NRXN3: variants seen among roughly 807,000 people sequenced by gnomAD.
NRXN3 encodes the protein neurexin 3.
Under a neutral mutation model 137.6 loss-of-function variants are expected in NRXN3, and 32 were observed. That is an observed-to-expected ratio of 0.23 (90% CI 0.18 to 0.31). The LOEUF is 0.31. Ranked by LOEUF, NRXN3 falls within the 10% of genes least tolerant of loss-of-function variation. The probability of loss-of-function intolerance (pLI) is 1.00; values close to 1 mark genes in which losing one functional copy is unlikely to be tolerated. For synonymous variants in NRXN3, 798 were observed against 784.5 expected, an observed-to-expected ratio of 1.02 and a Z score of -0.29; for missense variants, 1,574 against 2,062.5, an observed-to-expected ratio of 0.76 and a Z score of 4.59.
intron 18 of NRXN3, among the ~76,000 whole-genome samples, chr14:79,693,129 C>A (rs2154026273): frequency 6.6e-6 from 1 of 152,038 alleles, no homozygotes; most frequent in South Asian, 2.1e-4. Flanking sequence ...AGAAAATAAA[C>A]CATTGTTTTT....
chr14:79,709,563 T>C (rs1470887676), intron 19 of NRXN3, among the ~76,000 whole-genome samples: 1 of 152,196 alleles, frequency 6.6e-6, no homozygotes, highest in Admixed American at 6.5e-5. Flanking sequence ...AGGATGTGAA[T>C]GATTTTAATC....
intron 19 of NRXN3, among the ~76,000 whole-genome samples, chr14:79,733,896 G>A (rs1173192474): frequency 5.9e-5 from 9 of 152,052 alleles, no homozygotes; most frequent in Admixed American, 5.9e-4. Context: ...TTGCCTGCTT[G>A]CTCTGATAAT....
chr14:78,282,801 A>G (rs1429057073), intron 3 of NRXN3, among the ~76,000 whole-genome samples: 2 of 152,220 alleles, frequency 1.3e-5, no homozygotes, highest in East Asian at 3.9e-4. Flanking sequence ...GGAGCCACTC[A>G]GTCCAGCCTG....
At chr14:79,763,976 G>A (rs540466408) in intron 19 of NRXN3, among the ~76,000 whole-genome samples, 1 of 149,750 alleles carries the variant, frequency 6.7e-6, no homozygotes, top group South Asian at 2.1e-4. Flanking sequence ...AACTTTTATT[G>A]TGCTTTTTCT....
chr14:78,773,711 C>A (rs1020430205), intron 8 of NRXN3, among the ~76,000 whole-genome samples: 2 of 152,060 alleles, frequency 1.3e-5, no homozygotes, highest in Non-Finnish European at 2.9e-5. Context: ...TCTTCGCCAG[C>A]CTGAGAAACT....
intron 15 of NRXN3, among the ~76,000 whole-genome samples, chr14:79,022,494 A>T (rs1318163294): frequency 1.3e-5 from 2 of 152,194 alleles, no homozygotes; most frequent in East Asian, 3.9e-4. Context: ...CAAAAGCAAG[A>T]TTTCTAGTGT....
intron 6 of NRXN3, among the ~76,000 whole-genome samples, chr14:78,693,667 GT>G (rs2098196131): frequency 1.1e-5 from 1 of 87,986 alleles, no homozygotes; most frequent in Non-Finnish European, 2.2e-5. Context: ...GTGTGTGTGT[GT>G]GTGTGTGTGT....
intron 11 of NRXN3, among the ~76,000 whole-genome samples, chr14:78,961,206 C>T (rs1222033783): frequency 1.3e-5 from 2 of 152,086 alleles, no homozygotes; most frequent in Non-Finnish European, 2.9e-5. Flanking sequence ...CTTCTCTCCC[C>T]ACGTCTAAGG....
intron 8 of NRXN3, among the ~76,000 whole-genome samples, chr14:78,716,635 T>C (rs1419058209): frequency 6.6e-6 from 1 of 152,184 alleles, no homozygotes; most frequent in East Asian, 1.9e-4. Flanking sequence ...GTGATGTGGA[T>C]GGATCCTGGG....
At chr14:79,720,654 A>C (rs897746365) in intron 19 of NRXN3, among the ~76,000 whole-genome samples, 1 of 152,098 alleles carries the variant, frequency 6.6e-6, no homozygotes, top group Non-Finnish European at 1.5e-5. Flanking sequence ...CTTCCCTACC[A>C]CTGAGATACT....
intron 20 of NRXN3, among the ~76,000 whole-genome samples, chr14:79,856,725 T>C (rs1372050960): frequency 6.6e-6 from 1 of 152,078 alleles, no homozygotes; most frequent in Non-Finnish European, 1.5e-5. Context: ...TCTTTTTTGA[T>C]GGCAGTGAGC....
At chr14:79,528,917 A>G (rs1160892662) in intron 16 of NRXN3, among the ~76,000 whole-genome samples, 1 of 152,150 alleles carries the variant, frequency 6.6e-6, no homozygotes, top group Non-Finnish European at 1.5e-5. Context: ...ATCTCTCATT[A>G]ATGATCACAT....
intron 8 of NRXN3, among the ~76,000 whole-genome samples, chr14:78,793,330 T>C (rs2098811256): frequency 6.6e-6 from 1 of 152,150 alleles, no homozygotes; most frequent in South Asian, 2.1e-4. Flanking sequence ...CATTTAAATA[T>C]GCAAGAAATA....
At chr14:78,925,899 C>T (rs867402576) in intron 10 of NRXN3, among the ~76,000 whole-genome samples, 8 of 152,128 alleles carry the variant, frequency 5.3e-5, no homozygotes, top group African/African-American at 1.4e-4. Flanking sequence ...CAACAATAGT[C>T]GCCCATTGTA....
intron 5 of NRXN3, among the ~76,000 whole-genome samples, chr14:78,645,841 A>T (rs943459504): frequency 8.5e-5 from 13 of 152,136 alleles, no homozygotes; most frequent in Admixed American, 2.6e-4. Flanking sequence ...CTTTTTAATT[A>T]AGTTAGCCAT....
At chr14:79,299,069 A>G (rs556729270) in intron 15 of NRXN3, among the ~76,000 whole-genome samples, 1 of 152,348 alleles carries the variant, frequency 6.6e-6, no homozygotes, top group East Asian at 1.9e-4. Flanking sequence ...ATCTTGATTT[A>G]GAGGGCACTG....
chr14:79,662,125 C>T (rs955183681), intron 16 of NRXN3, among the ~76,000 whole-genome samples: 3 of 152,156 alleles, frequency 2.0e-5, no homozygotes, highest in Non-Finnish European at 4.4e-5. Context: ...CACAGCCATG[C>T]TGAACTGTGA....
rs1340797013 is a variant in NRXN3, at chr14:78,235,002, A to ATATATATATATATATGTG, written c.-703-7374_-703-7373insGTGTATATATATATATAT. On this transcript the variant is annotated intron_variant, in intron 1 of 20. Transcript: ENST00000335750. ...GGCAGCCACAAATGCTTTTATATAT[A>ATATATATATATATATGTG]TATATATATATATATATATATGTGT... Among the ~76,000 whole-genome samples, 318 of 47,370 alleles carry ATATATATATATATATGTG rather than the reference A, an allele frequency of 6.7e-3. 10 individuals are homozygous for ATATATATATATATATGTG. The East Asian group carries it at 0.071, about 11-fold the overall frequency. 31.1% of individuals were successfully genotyped at this position (47,370 alleles called of 152,430 possible).
At chr14:79,808,011 TAAGA>T (rs2099215298) in intron 20 of NRXN3, among the ~76,000 whole-genome samples, 1 of 151,978 alleles carries the variant, frequency 6.6e-6, no homozygotes, top group South Asian at 2.1e-4. Flanking sequence ...TTTCATTACA[TAAGA>T]AATATCTCCT....
Sources: allele counts gnomAD v4.1 joint callset (sites outside exome capture counted in the v4.1 genomes callset), GRCh38; gene constraint gnomAD v4.1.1; transcripts MANE v1.5; gene names NCBI Gene and HGNC (gene_info 2026-07-23, HGNC 2026-07-21).